Variants in FAM107B observed in about 807,000 individuals in gnomAD.
FAM107B encodes protein FAM107B.
A neutral mutation model predicts 31.5 loss-of-function variants in FAM107B; 21 were observed. The observed-to-expected ratio is 0.67, with a 90% confidence interval of 0.47 to 0.96. The LOEUF (loss-of-function observed/expected upper bound fraction) is 0.96, where lower values mean the gene tolerates loss of function less well. Ranked by LOEUF, FAM107B falls within the 40% of genes least tolerant of loss-of-function variation. The probability of loss-of-function intolerance (pLI) is 0.00; values close to 1 mark genes in which losing one functional copy is unlikely to be tolerated. For synonymous variants in FAM107B, 157 were observed against 141.5 expected, an observed-to-expected ratio of 1.11 and a Z score of -0.78; for missense variants, 452 against 377.1, an observed-to-expected ratio of 1.20 and a Z score of -1.64.
At chr10:14,619,297 T>C (rs1382926795) in intron 2 of FAM107B, among the ~76,000 whole-genome samples, 1 of 152,246 alleles carries the variant, frequency 6.6e-6, no homozygotes, top group Non-Finnish European at 1.5e-5. Flanking sequence ...AGTGCCCATA[T>C]TGACGTTCCC....
At chr10:14,678,493 T>C (rs57339803) in intron 1 of FAM107B, among the ~76,000 whole-genome samples, 3 of 152,082 alleles carry the variant, frequency 2.0e-5, no homozygotes, top group Admixed American at 2.0e-4. Flanking sequence ...TGGGGGACAC[T>C]GCAGTGAACA....
At chr10:14,669,805 T>A in intron 1 of FAM107B, among the ~76,000 whole-genome samples, 1 of 152,126 alleles carries the variant, frequency 6.6e-6, no homozygotes, top group Non-Finnish European at 1.5e-5. Context: ...TGAAGAGAGG[T>A]TGGTTAATGG....
chr10:14,611,484 TTATATA>T (rs3035276), intron 2 of FAM107B, among the ~76,000 whole-genome samples: 7,595 of 123,780 alleles, frequency 0.061, 280 homozygotes, highest in East Asian at 0.17. Context: ...AATGCCAGTT[TTATATA>T]TATATATATA....
chr10:14,756,760 C>T (rs1832938313), intron 1 of FAM107B, among the ~76,000 whole-genome samples: 1 of 152,118 alleles, frequency 6.6e-6, no homozygotes, highest in Non-Finnish European at 1.5e-5. Flanking sequence ...TGAAATCAAC[C>T]TAAATGCCCA....
At chr10:14,556,114 G>A (rs1849677971) in intron 2 of FAM107B, 1 of 153,424 alleles carries the variant, frequency 6.5e-6, no homozygotes, top group Admixed American at 6.5e-5. Context: ...GGGGCCCTCA[G>A]GACTGGCAGG....
intron 2 of FAM107B, among the ~76,000 whole-genome samples, chr10:14,616,140 A>C (rs897333429): frequency 5.3e-5 from 8 of 152,180 alleles, no homozygotes; most frequent in African/African-American, 4.8e-5. Context: ...AAAAAATAAT[A>C]ATAATATTGA....
At chr10:14,537,489 A>G (rs575317639) in intron 2 of FAM107B, among the ~76,000 whole-genome samples, 1 of 152,142 alleles carries the variant, frequency 6.6e-6, no homozygotes, top group South Asian at 2.1e-4. Flanking sequence ...CCAGTTTAAC[A>G]AGGCAACAAT....
At chr10:14,750,109 G>T (rs1204713769) in intron 1 of FAM107B, among the ~76,000 whole-genome samples, 1 of 152,188 alleles carries the variant, frequency 6.6e-6, no homozygotes, top group Non-Finnish European at 1.5e-5. Flanking sequence ...TGGAGGCAAA[G>T]CCAGGATGAA....
At chr10:14,676,052 G>C (rs549831280) in intron 1 of FAM107B, among the ~76,000 whole-genome samples, 8 of 152,246 alleles carry the variant, frequency 5.3e-5, no homozygotes, top group African/African-American at 1.9e-4. Flanking sequence ...CAGCTACTTG[G>C]GGGGCTGAAG....
chr10:14,658,868 G>GC (rs1191280594), intron 2 of FAM107B, among the ~76,000 whole-genome samples: 1 of 152,192 alleles, frequency 6.6e-6, no homozygotes, highest in East Asian at 1.9e-4. Flanking sequence ...TTACCTTCTA[G>GC]AAGGGGACGA....
intron 2 of FAM107B, among the ~76,000 whole-genome samples, chr10:14,647,314 G>C (rs1002942149): frequency 1.1e-4 from 16 of 152,258 alleles, no homozygotes; most frequent in African/African-American, 3.6e-4. Flanking sequence ...CACAGTCTTG[G>C]CCAGATTTTC....
At chr10:14,604,356 G>T in intron 2 of FAM107B, 1 of 637,892 alleles carries the variant, frequency 1.6e-6, no homozygotes, top group South Asian at 6.7e-5. Flanking sequence ...GCGGCTCCGG[G>T]GGCGGCGGCC....
intron 2 of FAM107B, among the ~76,000 whole-genome samples, chr10:14,559,107 A>AC (rs1564565662): frequency 2.1e-5 from 2 of 96,002 alleles, no homozygotes; most frequent in Admixed American, 1.1e-4. Flanking sequence ...TTCAAAAAAA[A>AC]AAAAAAAAAA....
At chr10:14,572,739 T>TTATATATATATATATA (rs61477094) in intron 2 of FAM107B, among the ~76,000 whole-genome samples, 7 of 91,988 alleles carry the variant, frequency 7.6e-5, no homozygotes, top group African/African-American at 2.7e-4. Context: ...AAAAAAAAAT[T>TTATATATATATATATA]TATATATATA....
At chr10:14,767,041 TATATATATATATATAGAGAGAGAGAG>T (rs1158593392) in intron 1 of FAM107B, among the ~76,000 whole-genome samples, 4 of 36,316 alleles carry the variant, frequency 1.1e-4, no homozygotes, top group African/African-American at 3.0e-4. Flanking sequence ...TATATATATA[TATATATATATATATAGAGAGAGAGAG>T]AGAGAGAGAG....
intron 1 of FAM107B, among the ~76,000 whole-genome samples, chr10:14,734,681 C>T (rs1338372471): frequency 6.6e-6 from 1 of 152,030 alleles, no homozygotes; most frequent in Admixed American, 6.6e-5. Flanking sequence ...ATTGCTCAAG[C>T]GGAGTGACAA....
intron 2 of FAM107B, among the ~76,000 whole-genome samples, chr10:14,643,793 G>T (rs886805166): frequency 1.4e-4 from 22 of 152,230 alleles, no homozygotes; most frequent in African/African-American, 4.1e-4. Flanking sequence ...AATAATGTCT[G>T]ACCAAATGTC....
intron 2 of FAM107B, among the ~76,000 whole-genome samples, chr10:14,643,520 G>A (rs1179624655): frequency 2.0e-5 from 3 of 149,700 alleles, no homozygotes; most frequent in African/African-American, 7.4e-5. Context: ...AGTGATTCTT[G>A]TGCCTCAGCC....
intron 1 of FAM107B, among the ~76,000 whole-genome samples, chr10:14,719,642 G>A (rs1274084124): frequency 6.6e-6 from 1 of 152,102 alleles, no homozygotes; most frequent in Non-Finnish European, 1.5e-5. Context: ...AGGCACTAGG[G>A]GATTCGAGGG....
Sources: allele counts gnomAD v4.1 joint callset (sites outside exome capture counted in the v4.1 genomes callset), GRCh38; gene constraint gnomAD v4.1.1; transcripts MANE v1.5; gene names NCBI Gene and HGNC (gene_info 2026-07-23, HGNC 2026-07-21).